The following PTPRD variants were observed in gnomAD, a reference collection of about 807,000 sequenced individuals.
PTPRD encodes the protein protein tyrosine phosphatase receptor type D, also known as receptor-type tyrosine-protein phosphatase delta.
Under a neutral mutation model 214.5 loss-of-function variants are expected in PTPRD, and 34 were observed. The observed-to-expected ratio is 0.16, with a 90% confidence interval of 0.12 to 0.21. PTPRD has a LOEUF of 0.21. Among genes scored for constraint, PTPRD ranks in the 10% least tolerant of loss-of-function variants. The pLI is 1.00. For synonymous variants in PTPRD, 1,128 were observed against 845.7 expected (o/e 1.33, Z -5.79); for missense variants, 2,545 against 2,398.7 (o/e 1.06, Z -1.27).
At chr9:9,429,034 G>A (rs1352868284) in intron 8 of PTPRD, among the ~76,000 whole-genome samples, 1 of 152,152 alleles carries the variant, frequency 6.6e-6, no homozygotes, top group Non-Finnish European at 1.5e-5. Flanking sequence ...GCTAGCGGAA[G>A]TCAAGAAATA....
chr9:8,400,162 A>G (rs1163586991), intron 36 of PTPRD, among the ~76,000 whole-genome samples: 2 of 152,220 alleles, frequency 1.3e-5, no homozygotes, highest in African/African-American at 2.4e-5. Flanking sequence ...TAATGGAAAC[A>G]GTACTGGCAG....
At chr9:9,853,518 T>G (rs1279216890) in intron 5 of PTPRD, among the ~76,000 whole-genome samples, 2 of 152,110 alleles carry the variant, frequency 1.3e-5, no homozygotes, top group Non-Finnish European at 2.9e-5. Flanking sequence ...TGTGTATTAT[T>G]GTGTATTAAT....
chr9:9,129,412 T>C (rs974078790), intron 10 of PTPRD, among the ~76,000 whole-genome samples: 2 of 151,952 alleles, frequency 1.3e-5, no homozygotes, highest in Non-Finnish European at 2.9e-5. Context: ...AATAAGAGAA[T>C]TAAATATTCG....
rs775827105 is a variant in PTPRD at position 10,125,624 on chromosome 9, G to GTA, written c.-544-91835_-544-91834insTA. ...CGTGCGCTACCACGCTCGGCTAATT[G>GTA]TGTGTGTGTGTGTGTGTGTGTGTGT... On this transcript the variant is annotated intron_variant, in intron 3 of 45. Transcript: ENST00000381196. 4.1e-3 allele frequency among the ~76,000 whole-genome samples: 350 copies of GTA among 86,052 alleles called. 1 individual carries two copies. Among genetic ancestry groups the GTA allele is most frequent in the African/African-American group, 0.014 (341 of 24,524 alleles). The allele number at this position is 86,052 out of a possible 152,430, so 56.5% of individuals were successfully genotyped here. A position where few individuals can be genotyped will look rare whatever the true frequency, so the allele number is the denominator to read the frequency against.
chr9:9,362,783 G>A (rs1054988213), intron 9 of PTPRD, among the ~76,000 whole-genome samples: 2 of 151,268 alleles, frequency 1.3e-5, no homozygotes, highest in Admixed American at 1.3e-4. Flanking sequence ...TGTGTTGATA[G>A]TTAGCAGGCT....
At chr9:8,727,700 G>A (rs746196082) in intron 12 of PTPRD, among the ~76,000 whole-genome samples, 3 of 152,004 alleles carry the variant, frequency 2.0e-5, no homozygotes, top group Admixed American at 6.6e-5. Flanking sequence ...TCTGTCACAC[G>A]GCTGCAGTGC....
At chr9:9,772,237 C>T (rs1011870868) in intron 5 of PTPRD, among the ~76,000 whole-genome samples, 6 of 151,966 alleles carry the variant, frequency 3.9e-5, no homozygotes, top group African/African-American at 7.2e-5. Context: ...CGGCCATCTA[C>T]GAGACAAGGA....
intron 32 of PTPRD, among the ~76,000 whole-genome samples, chr9:8,464,699 C>G (rs1290538805): frequency 1.5e-5 from 2 of 129,506 alleles, no homozygotes; most frequent in African/African-American, 6.1e-5. Context: ...CCCTGCCTAT[C>G]TACAATATCT....
chr9:9,822,069 A>G (rs73398655), intron 5 of PTPRD, among the ~76,000 whole-genome samples: 3 of 151,796 alleles, frequency 2.0e-5, no homozygotes, highest in Admixed American at 6.6e-5. Context: ...AAAAATCATT[A>G]TAACTGTAAA....
At chr9:9,592,561 A>T (rs2092841356) in intron 7 of PTPRD, among the ~76,000 whole-genome samples, 1 of 151,976 alleles carries the variant, frequency 6.6e-6, no homozygotes, top group South Asian at 2.1e-4. Flanking sequence ...GCATCGAGCA[A>T]ATCAATCTGA....
intron 9 of PTPRD, among the ~76,000 whole-genome samples, chr9:9,195,507 T>C (rs1325651977): frequency 2.0e-5 from 3 of 152,112 alleles, no homozygotes; most frequent in South Asian, 2.1e-4. Flanking sequence ...TGCTGGTCTG[T>C]TTCAGTATGT....
At chr9:8,578,326 G>C (rs568119623) in intron 14 of PTPRD, among the ~76,000 whole-genome samples, 3 of 152,192 alleles carry the variant, frequency 2.0e-5, no homozygotes, top group South Asian at 4.2e-4. Flanking sequence ...TAATCAACTA[G>C]GTATACTGTT....
At chr9:10,330,779 TATAGGCAGA>T (rs2096734879) in intron 3 of PTPRD, among the ~76,000 whole-genome samples, 3 of 151,766 alleles carry the variant, frequency 2.0e-5, no homozygotes, top group African/African-American at 7.3e-5. Context: ...GCTGACTTAA[TATAGGCAGA>T]GGGCAGCAAA....
intron 12 of PTPRD, among the ~76,000 whole-genome samples, chr9:8,643,626 C>CT (rs1424425111): frequency 6.6e-6 from 1 of 152,250 alleles, no homozygotes; most frequent in African/African-American, 2.4e-5. Context: ...CCTGCCACCA[C>CT]TGCTCGCAGC....
At chr9:8,692,694 C>A (rs946582147) in intron 12 of PTPRD, among the ~76,000 whole-genome samples, 1 of 152,160 alleles carries the variant, frequency 6.6e-6, no homozygotes, top group East Asian at 1.9e-4. Context: ...TTGTTAAGTG[C>A]TGTGTAATGA....
chr9:9,821,490 G>C (rs985367233), intron 5 of PTPRD, among the ~76,000 whole-genome samples: 1 of 152,118 alleles, frequency 6.6e-6, no homozygotes, highest in Non-Finnish European at 1.5e-5. Context: ...TAGATATGTA[G>C]TTATATAAAG....
chr9:9,971,461 T>C (rs780809871), intron 4 of PTPRD, among the ~76,000 whole-genome samples: 60 of 152,190 alleles, frequency 3.9e-4, no homozygotes, highest in Non-Finnish European at 8.5e-4. Context: ...GCAGTATAAC[T>C]CTACTTTTGT....
chr9:10,012,525 T>G (rs181201115), intron 4 of PTPRD, among the ~76,000 whole-genome samples: 12 of 152,044 alleles, frequency 7.9e-5, no homozygotes, highest in African/African-American at 2.9e-4. Flanking sequence ...GCATTTATTT[T>G]TAAAAAGAAA....
chr9:9,561,705 C>T (rs933120021), intron 8 of PTPRD, among the ~76,000 whole-genome samples: 6 of 152,294 alleles, frequency 3.9e-5, no homozygotes, highest in African/African-American at 1.4e-4. Context: ...ATTTATAAAA[C>T]ATCCGTGTTG....
Sources: gnomAD v4.1 joint callset for allele counts (sites outside exome capture counted in the v4.1 genomes callset) on GRCh38, gnomAD v4.1.1 for gene constraint, MANE v1.5 for transcripts, NCBI Gene and HGNC (gene_info 2026-07-23, HGNC 2026-07-21) for gene names.